SPTA1: variants seen among roughly 807,000 people sequenced by gnomAD.
SPTA1 encodes the protein spectrin alpha, erythrocytic 1.
SPTA1 carries 177 observed loss-of-function variants against 324.7 expected under a neutral mutation model. The observed-to-expected ratio is 0.55, with a 90% CI of 0.48 to 0.62. The LOEUF is 0.62. SPTA1 is among the 20% of genes least tolerant of loss of function. The pLI is 0.00. For synonymous variants in SPTA1, 1,195 were observed against 1,041.3 expected, an observed-to-expected ratio of 1.15 and a Z score of -2.84; for missense variants, 3,162 against 2,883.6, an observed-to-expected ratio of 1.10 and a Z score of -2.21.
intron 18 of SPTA1, 48 bp downstream of exon 18, chr1:158,661,239 G>A: frequency 1.2e-6 from 2 of 1,613,398 alleles, no homozygotes; most frequent in East Asian, 2.2e-5. Context: ...TCTTCCCAGA[G>A]GTCTGGCCTG....
At chr1:158,658,334 TG>T (rs927006175) in intron 18 of SPTA1, among the ~76,000 whole-genome samples, 1 of 151,976 alleles carries the variant, frequency 6.6e-6, no homozygotes, top group Non-Finnish European at 1.5e-5. Flanking sequence ...AAGAGAAGGG[TG>T]TTACAGAGAG....
rs751087249 is a variant in SPTA1 at position 158,681,660 on chromosome 1, A to T, written c.398T>A (p.Ile133Lys). 6 of 1,613,600 alleles carry T rather than the reference A, an allele frequency of 3.7e-6. No homozygotes were observed. In the Admixed American group the frequency reaches 1.0e-4, roughly 27 times the overall value. Reference sequence around the variant, plus strand: ...GTCCCACAGGTGGCGTAGCTCCTCTATATGGGCCTTTAGGAAAGAGGGGCA... The same window carrying T: ...GTCCCACAGGTGGCGTAGCTCCTCTTTATGGGCCTTTAGGAAAGAGGGGCA... ...HSAHEETKAH[I>K]EELRHLWDLL... Residue 133 changes from isoleucine to lysine, a missense_variant, in exon 4 of 52, where the codon ATA becomes AAA. By Grantham distance (102) the Ile-to-Lys change is moderately radical. Coordinates refer to ENST00000643759, the MANE Select transcript of SPTA1 (RefSeq NM_003126.4).
At position 158,661,412 on chromosome 1, in the gene SPTA1, G is replaced by A. The variant is rs1399646813; in HGVS notation, c.2465-3C>T. 6.2e-7 allele frequency: 1 copy of A among 1,613,766 alleles called. No individual in the cohort carries two copies. Among genetic ancestry groups the A allele is most frequent in the Non-Finnish European group, 8.5e-7 (1 of 1,179,838 alleles). On this transcript the variant is annotated splice_region_variant and splice_polypyrimidine_tract_variant and intron_variant, in intron 17 of 51. Coordinates refer to ENST00000643759, the MANE Select transcript of SPTA1 (RefSeq NM_003126.4). Reference sequence around the variant, plus strand: ...TTTGGAAGCAATCAGGTCCTTTCCTGCAGAGGAAAGGAATTTCAAAGTTTC... The same window carrying A: ...TTTGGAAGCAATCAGGTCCTTTCCTACAGAGGAAAGGAATTTCAAAGTTTC...
At chr1:158,657,111 A>G (rs1233127929) in intron 19 of SPTA1, among the ~76,000 whole-genome samples, 1 of 152,192 alleles carries the variant, frequency 6.6e-6, no homozygotes, top group Non-Finnish European at 1.5e-5. Flanking sequence ...ATATCTGTCC[A>G]ATTTTATTTT....
At chr1:158,646,249 A>G (rs1470518890) in intron 27 of SPTA1, among the ~76,000 whole-genome samples, 1 of 145,632 alleles carries the variant, frequency 6.9e-6, no homozygotes, top group African/African-American at 2.4e-5. Context: ...CTATGCATTA[A>G]CTTTAAAGCA....
chr1:158,648,756 C>T, intron 25 of SPTA1, 103 bp from the exon 26 acceptor site: 1 of 1,203,066 alleles, frequency 8.3e-7, no homozygotes, highest in Non-Finnish European at 1.2e-6. Flanking sequence ...CACCATCCTC[C>T]CACCCACCCC....
intron 41 of SPTA1, 71 bp downstream of exon 41, chr1:158,626,768 C>A: frequency 6.3e-7 from 1 of 1,597,432 alleles, no homozygotes; most frequent in Non-Finnish European, 8.6e-7. Context: ...GTCCCAGAGA[C>A]CATTCTACAC....
chr1:158,639,978 C>T lies in SPTA1; in HGVS notation c.4767G>A (p.Trp1589Ter), dbSNP rs2101819646. The change falls in exon 34 of 52, where the codon TGG (tryptophan) becomes TGA (stop). Residue 1589 changes from tryptophan (W) to a stop codon, truncating the protein, a stop_gained. Coordinates refer to ENST00000643759, the MANE Select transcript of SPTA1 (RefSeq NM_003126.4). LOFTEE classifies it high-confidence loss of function. ...KEQLEQLKEH[W>*]DHLLERTNDK... ...CATTTGTTCTCTCAAGCAGATGATC[C>T]CAATGTTCCTTCAGCTGTTCCAGTT... is the stretch of plus-strand genomic sequence containing the variant. 6.2e-7 allele frequency: 1 copy of T among 1,613,804 alleles called. No individual in the cohort carries two copies. The highest frequency in any genetic ancestry group is 8.5e-7 in the Non-Finnish European group (1 of 1,179,876).
At chr1:158,626,525 A>G (rs1243689429) in intron 41 of SPTA1, among the ~76,000 whole-genome samples, 1 of 152,200 alleles carries the variant, frequency 6.6e-6, no homozygotes, top group Non-Finnish European at 1.5e-5. Flanking sequence ...GTTTCTTAGA[A>G]CATTTTGCTA....
intron 39 of SPTA1, among the ~76,000 whole-genome samples, chr1:158,630,193 C>G (rs973372669): frequency 6.6e-6 from 1 of 151,896 alleles, no homozygotes; most frequent in Non-Finnish European, 1.5e-5. Context: ...ATAGTCAAAT[C>G]AATATTGACA....
At position 158,683,367 on chromosome 1, in the gene SPTA1, A is replaced by G. The variant is rs201305582; in HGVS notation, c.390+4T>C. The G allele has an allele frequency of 9.1e-5, 146 of 1,613,142 alleles. 1 individual carries two copies. The African/African-American group carries it at 1.6e-3, about 18-fold the overall frequency. On this transcript the variant is annotated splice_donor_region_variant and intron_variant, in intron 3 of 51. Coordinates refer to ENST00000643759, the MANE Select transcript of SPTA1 (RefSeq NM_003126.4). ...GAAACTTCTTCAAGGGCCCATACAT[A>G]TACCTTCGTTTCTTCGTGGGCAGAA...
Position 158,642,928 on chromosome 1 carries a change from T to G in SPTA1, c.4491A>C (p.Gly1497=). ...AGAATTGTTTTAGGTTGGCATAGTC[T>G]CCAAGCTTTGTCCGCTCATCAATCA... The part of the protein sequence containing the change: ...AQLIDERTKL[G]DYANLKQFYR... Residue 1497 remains glycine (G), a synonymous_variant, in exon 32 of 52, where the codon GGA becomes GGC. Transcript: ENST00000643759. 3.7e-6 allele frequency: 6 copies of G among 1,613,790 alleles called. No homozygotes were observed. The highest frequency in any genetic ancestry group is 5.1e-6 in the Non-Finnish European group (6 of 1,179,818).
chr1:158,618,482 A>T (rs554910525), intron 45 of SPTA1, among the ~76,000 whole-genome samples: 2 of 152,338 alleles, frequency 1.3e-5, no homozygotes, highest in African/African-American at 4.8e-5. Context: ...AAACCACCAC[A>T]TTAACCCTCA....
intron 39 of SPTA1, among the ~76,000 whole-genome samples, chr1:158,632,191 T>G (rs980117073): frequency 1.3e-5 from 2 of 152,122 alleles, no homozygotes; most frequent in Non-Finnish European, 2.9e-5. Context: ...AATAAGCCAG[T>G]TATAGAAAGA....
chr1:158,648,513 T>A lies in SPTA1; in HGVS notation c.3710A>T (p.Asp1237Val). ...GFERDLVPLG[D>V]KVTILGETAE... Reference sequence around the variant, plus strand: ...GCTTTGAAGGACTTGTCTCACCTTATCTCCCAGGGGTACGAGGTCCCTTTC... The same window carrying A: ...GCTTTGAAGGACTTGTCTCACCTTAACTCCCAGGGGTACGAGGTCCCTTTC... The change falls in exon 26 of 52, where the codon GAT (aspartate) becomes GTT (valine). Residue 1237 changes from aspartate (D) to valine (V), a missense_variant. By Grantham distance (152) the Asp-to-Val change is radical. Transcript: ENST00000643759. 1 of 1,613,832 alleles carries A rather than the reference T, an allele frequency of 6.2e-7. No individual in the cohort carries two copies. The highest frequency in any genetic ancestry group is 8.5e-7 in the Non-Finnish European group (1 of 1,179,862).
intron 3 of SPTA1, among the ~76,000 whole-genome samples, chr1:158,682,600 T>C (rs1225542371): frequency 6.6e-6 from 1 of 152,174 alleles, no homozygotes; most frequent in Non-Finnish European, 1.5e-5. Context: ...TTTTATGCTA[T>C]ATATAGAAAG....
At chr1:158,628,624 CTT>C (rs907746625) in intron 39 of SPTA1, among the ~76,000 whole-genome samples, 4 of 152,054 alleles carry the variant, frequency 2.6e-5, no homozygotes, top group African/African-American at 9.7e-5. Context: ...AGGTGATTGA[CTT>C]TGTATGACTG....
chr1:158,626,811 A>T, intron 41 of SPTA1, 28 bp downstream of exon 41: 2 of 1,613,260 alleles, frequency 1.2e-6, no homozygotes, highest in Non-Finnish European at 1.7e-6. Context: ...TCTCAAACCC[A>T]AGGGACCCTG....
Position 158,644,465 on chromosome 1 carries a change from T to C in SPTA1, c.4195-69A>G, listed in dbSNP as rs1277747519. ...TGTGGAGGAAATGATGTTACACCTC[T>C]TTCAGGATCATGACACAAAGGGTTT... On this transcript the variant is annotated intron_variant, in intron 29 of 51. Coordinates refer to ENST00000643759, the MANE Select transcript of SPTA1 (RefSeq NM_003126.4). 3.8e-6 allele frequency: 6 copies of C among 1,575,944 alleles called. No homozygotes were observed. In the East Asian group the frequency reaches 1.3e-4, roughly 35 times the overall value.
Sources: gnomAD v4.1 joint callset for allele counts (sites outside exome capture counted in the v4.1 genomes callset) on GRCh38, gnomAD v4.1.1 for gene constraint, MANE v1.5 for transcripts, NCBI Gene and HGNC (gene_info 2026-07-23, HGNC 2026-07-21) for gene names.